CALN1: variants seen among roughly 807,000 people sequenced by gnomAD.
CALN1 encodes calcium-binding protein 8.
Under a neutral mutation model 30.6 loss-of-function variants are expected in CALN1, and 17 were observed. That is an observed-to-expected ratio of 0.56 (90% CI 0.38 to 0.83). CALN1 has a LOEUF of 0.83. Among genes scored for constraint, CALN1 ranks in the 40% least tolerant of loss-of-function variants. The pLI is 0.00. For missense variants in CALN1, 291 were observed against 354.9 expected, an observed-to-expected ratio of 0.82 and a Z score of 1.45; for synonymous variants, 156 against 131.4, an observed-to-expected ratio of 1.19 and a Z score of -1.28.
chr7:72,192,353 C>T (rs1171944355), intron 3 of CALN1, among the ~76,000 whole-genome samples: 1 of 152,082 alleles, frequency 6.6e-6, no homozygotes, highest in Admixed American at 6.6e-5. Flanking sequence ...GAAGACTTGT[C>T]AAAACACAGT....
At chr7:72,144,762 T>C (rs920096987) in intron 3 of CALN1, among the ~76,000 whole-genome samples, 1 of 152,086 alleles carries the variant, frequency 6.6e-6, no homozygotes, top group Admixed American at 6.6e-5. Flanking sequence ...ACAGAAATTA[T>C]AACAAACTGT....
intron 1 of CALN1, among the ~76,000 whole-genome samples, chr7:72,439,517 AAT>A (rs1279437107): frequency 6.6e-6 from 1 of 152,194 alleles, no homozygotes; most frequent in African/African-American, 2.4e-5. Context: ...AAGAAGAAAA[AAT>A]ATATTGACTA....
intron 6 of CALN1, among the ~76,000 whole-genome samples, chr7:71,801,420 GTATGTATGTATC>G (rs1268941951): frequency 1.6e-3 from 164 of 102,476 alleles, no homozygotes; most frequent in Admixed American, 3.2e-3. Flanking sequence ...ATGTATGTAT[GTATGTATGTATC>G]TATCTATCTA....
chr7:72,022,599 AC>A (rs1455852616), intron 5 of CALN1, among the ~76,000 whole-genome samples: 1 of 152,032 alleles, frequency 6.6e-6, no homozygotes, highest in Admixed American at 6.6e-5. Context: ...TCGCTATGTT[AC>A]CCAGACTGGT....
At chr7:72,064,103 G>A (rs577706218) in intron 4 of CALN1, among the ~76,000 whole-genome samples, 5 of 148,546 alleles carry the variant, frequency 3.4e-5, no homozygotes, top group African/African-American at 5.2e-5. Flanking sequence ...GTGAAACCCC[G>A]TCTCTACGTC....
intron 2 of CALN1, among the ~76,000 whole-genome samples, chr7:72,371,079 A>C (rs923275744): frequency 3.3e-5 from 5 of 149,938 alleles, no homozygotes; most frequent in Admixed American, 6.6e-5. Flanking sequence ...GAGGGCTCTT[A>C]ATTTTGATAA....
intron 5 of CALN1, among the ~76,000 whole-genome samples, chr7:72,012,884 C>T (rs534439239): frequency 1.3e-5 from 2 of 152,170 alleles, no homozygotes; most frequent in Non-Finnish European, 2.9e-5. Flanking sequence ...TAACCTCCGC[C>T]TCCGGGGTTC....
chr7:72,089,182 A>G (rs1392838128), intron 4 of CALN1, among the ~76,000 whole-genome samples: 1 of 152,170 alleles, frequency 6.6e-6, no homozygotes, highest in African/African-American at 2.4e-5. Flanking sequence ...CAGAAAAGAG[A>G]AAGAGATAAC....
At chr7:72,327,236 G>A (rs550562432) in intron 2 of CALN1, among the ~76,000 whole-genome samples, 1 of 152,342 alleles carries the variant, frequency 6.6e-6, no homozygotes, top group South Asian at 2.1e-4. Flanking sequence ...GCTCACGCCT[G>A]TAATCCCAGC....
intron 3 of CALN1, among the ~76,000 whole-genome samples, chr7:72,251,714 T>C (rs1585269153): frequency 6.6e-6 from 1 of 152,232 alleles, no homozygotes; most frequent in East Asian, 1.9e-4. Flanking sequence ...TTTTCTGTAG[T>C]GTTTATGGCA....
intron 3 of CALN1, among the ~76,000 whole-genome samples, chr7:72,106,860 GGA>G (rs1807194978): frequency 9.4e-6 from 1 of 106,444 alleles, no homozygotes; most frequent in Admixed American, 9.2e-5. Context: ...AGGGAAGGAA[GGA>G]GGAAGGAAGG....
intron 5 of CALN1, among the ~76,000 whole-genome samples, chr7:71,848,603 G>A (rs1790455115): frequency 6.6e-6 from 1 of 151,978 alleles, no homozygotes; most frequent in African/African-American, 2.4e-5. Flanking sequence ...TCTGTTTTGT[G>A]TTCTCAATGA....
At chr7:72,363,243 A>AT (rs1165517790) in intron 2 of CALN1, among the ~76,000 whole-genome samples, 1 of 97,860 alleles carries the variant, frequency 1.0e-5, no homozygotes, top group African/African-American at 2.8e-5. Context: ...ACATTATTTT[A>AT]TTTTTTTATT....
In CALN1 at chr7:71,780,618, C is replaced by T. The variant is rs1287948712; in HGVS notation, c.*7157G>A. ...AATTCCTCACAATCACCAAAGATCA[C>T]GACTCTCTTCTTTCTGGGGTATTAG... On this transcript the variant is annotated 3_prime_UTR_variant, in exon 7 of 7. Transcript: ENST00000395275. 1.3e-5 allele frequency: 2 copies of T among 151,784 alleles called. No homozygotes were observed. The highest frequency in any genetic ancestry group is 3.9e-4 in the East Asian group (2 of 5,186). 9.4% of individuals were successfully genotyped at this position (151,784 alleles called of 1,614,324 possible).
intron 3 of CALN1, among the ~76,000 whole-genome samples, chr7:72,250,820 G>C (rs74721693): frequency 6.6e-6 from 1 of 152,046 alleles, no homozygotes; most frequent in African/African-American, 2.4e-5. Context: ...CACCACGCTC[G>C]TATAGCCTGC....
At chr7:72,287,798 C>T (rs1333881228) in intron 2 of CALN1, among the ~76,000 whole-genome samples, 1 of 151,984 alleles carries the variant, frequency 6.6e-6, no homozygotes, top group Non-Finnish European at 1.5e-5. Context: ...ATTACACAAT[C>T]GATGGAAAAG....
At position 72,409,222 on chromosome 7, in the gene CALN1, C is replaced by CT. The variant is rs781218441; in HGVS notation, c.-74+2835dup. 1.9e-4 allele frequency among the ~76,000 whole-genome samples: 29 copies of CT among 151,594 alleles called. No homozygotes were observed. In the East Asian group the frequency reaches 2.2e-3, roughly 11 times the overall value. ...TCTTGGCCAGGCTGGTCTCCAAGTC[C>CT]TGACCTCATGATCTACCCGCCTCGG... On this transcript the variant is annotated intron_variant, in intron 1 of 6. Transcript: ENST00000395275.
chr7:72,368,111 G>C (rs899661868), intron 2 of CALN1, among the ~76,000 whole-genome samples: 2 of 151,786 alleles, frequency 1.3e-5, no homozygotes, highest in Non-Finnish European at 2.9e-5. Flanking sequence ...ACAAAGCGAA[G>C]ACTCCGTCTC....
At chr7:72,040,848 AG>A (rs923749840) in intron 4 of CALN1, among the ~76,000 whole-genome samples, 41 of 152,316 alleles carry the variant, frequency 2.7e-4, no homozygotes, top group African/African-American at 9.6e-4. Context: ...CAACCAAACC[AG>A]CATCTTGAGG....
Sources: allele counts gnomAD v4.1 joint callset (sites outside exome capture counted in the v4.1 genomes callset), GRCh38; gene constraint gnomAD v4.1.1; transcripts MANE v1.5; gene names NCBI Gene and HGNC (gene_info 2026-07-23, HGNC 2026-07-21).